The following RALGPS1 variants were observed in gnomAD, a reference collection of about 807,000 sequenced individuals.
The protein encoded by RALGPS1 is Ral GEF with PH domain and SH3 binding motif 1, also known as ras-specific guanine nucleotide-releasing factor RalGPS1.
RALGPS1 carries 19 observed loss-of-function variants against 78.8 expected under a neutral mutation model. That is an observed-to-expected ratio of 0.24 (90% CI 0.17 to 0.35). The LOEUF (loss-of-function observed/expected upper bound fraction) is 0.35. RALGPS1 is among the 10% of genes least tolerant of loss of function. RALGPS1 has a pLI of 1.00. For synonymous variants in RALGPS1, 228 were observed against 256.3 expected (o/e 0.89, Z 1.06); for missense variants, 454 against 688.3 (o/e 0.66, Z 3.81).
intron 1 of RALGPS1, among the ~76,000 whole-genome samples, chr9:126,943,681 T>G (rs2036983901): frequency 6.6e-6 from 1 of 152,160 alleles, no homozygotes; most frequent in Non-Finnish European, 1.5e-5. Flanking sequence ...TCCTGTCACC[T>G]GGGGTGTGCC....
At chr9:127,216,763 G>A (rs537309114) in intron 18 of RALGPS1, 60 of 704,872 alleles carry the variant, frequency 8.5e-5, no homozygotes, top group East Asian at 1.7e-4. Context: ...CAAGGCTGCC[G>A]CCGCCCCAGC....
intron 3 of RALGPS1, among the ~76,000 whole-genome samples, chr9:126,975,338 T>C (rs943028865): frequency 6.6e-6 from 1 of 152,214 alleles, no homozygotes; most frequent in Non-Finnish European, 1.5e-5. Flanking sequence ...GTGTGAAATG[T>C]AAGGTCACTG....
At chr9:127,158,352 G>A (rs1374879974) in intron 8 of RALGPS1, among the ~76,000 whole-genome samples, 2 of 151,986 alleles carry the variant, frequency 1.3e-5, no homozygotes, top group African/African-American at 4.8e-5. Context: ...TATTAGTAAA[G>A]TTTTTTGCCT....
chr9:126,918,382 A>G (rs982196996), intron 1 of RALGPS1, among the ~76,000 whole-genome samples: 4 of 152,174 alleles, frequency 2.6e-5, no homozygotes, highest in South Asian at 4.1e-4. Context: ...TGTTAGCCAG[A>G]TTGGAGTGCA....
intron 8 of RALGPS1, among the ~76,000 whole-genome samples, chr9:127,121,081 G>A (rs1281167): frequency 0.41 from 61,853 of 151,970 alleles, 14,488 homozygotes; most frequent in Non-Finnish European, 0.51. Flanking sequence ...GTAGCCATGG[G>A]CACATTACTT....
At chr9:127,173,478 C>G (rs1314953624) in intron 10 of RALGPS1, among the ~76,000 whole-genome samples, 1 of 152,166 alleles carries the variant, frequency 6.6e-6, no homozygotes, top group Non-Finnish European at 1.5e-5. Context: ...TAAATTATGC[C>G]CCTTCCCTTG....
At chr9:126,953,077 T>C (rs996048244) in intron 1 of RALGPS1, among the ~76,000 whole-genome samples, 1 of 152,206 alleles carries the variant, frequency 6.6e-6, no homozygotes, top group African/African-American at 2.4e-5. Context: ...TGCATTGGAC[T>C]GTCTCATGTT....
chr9:127,202,531 AG>A, intron 14 of RALGPS1, among the ~76,000 whole-genome samples: 1 of 152,208 alleles, frequency 6.6e-6, no homozygotes, highest in Middle Eastern at 3.4e-3. Context: ...CAGAGAGCAA[AG>A]GGGACCCTCT....
At chr9:127,166,011 A>G in intron 8 of RALGPS1, 58 bp from the exon 9 acceptor site, 1 of 1,552,056 alleles carries the variant, frequency 6.4e-7, no homozygotes, top group Non-Finnish European at 8.6e-7. Context: ...ATTTTGTGCT[A>G]TTTTGTTCTG....
intron 1 of RALGPS1, among the ~76,000 whole-genome samples, chr9:126,916,310 G>A (rs1045893882): frequency 1.1e-4 from 16 of 152,184 alleles, no homozygotes; most frequent in African/African-American, 3.9e-4. Context: ...CTCTCTGCGA[G>A]GCCTCTGAGG....
chr9:127,043,302 C>A (rs1207630131), intron 5 of RALGPS1, among the ~76,000 whole-genome samples: 1 of 151,826 alleles, frequency 6.6e-6, no homozygotes, highest in Non-Finnish European at 1.5e-5. Context: ...AATAGACCTA[C>A]ACAAATATGG....
intron 14 of RALGPS1, among the ~76,000 whole-genome samples, chr9:127,208,585 G>GCGAGT (rs1393358690): frequency 6.6e-6 from 1 of 152,128 alleles, no homozygotes; most frequent in Non-Finnish European, 1.5e-5. Flanking sequence ...CGGTGGCAGC[G>GCGAGT]CGAGTGCACT....
chr9:127,207,374 G>C (rs1365685218), intron 14 of RALGPS1, among the ~76,000 whole-genome samples: 1 of 152,120 alleles, frequency 6.6e-6, no homozygotes, highest in Non-Finnish European at 1.5e-5. Flanking sequence ...CTCCACCTAA[G>C]ATCCCTGAGA....
At chr9:127,115,233 A>G (rs962367658) in intron 8 of RALGPS1, among the ~76,000 whole-genome samples, 3 of 152,098 alleles carry the variant, frequency 2.0e-5, no homozygotes, top group African/African-American at 7.2e-5. Flanking sequence ...CTTGTCACCC[A>G]GGCTGGAGTG....
At chr9:127,136,178 G>T (rs2057379555) in intron 8 of RALGPS1, among the ~76,000 whole-genome samples, 2 of 152,176 alleles carry the variant, frequency 1.3e-5, no homozygotes, top group African/African-American at 4.8e-5. Context: ...AAGGCCCAGG[G>T]TTACCCAAGG....
At chr9:126,960,327 G>A (rs372994530) in intron 1 of RALGPS1, among the ~76,000 whole-genome samples, 1 of 150,650 alleles carries the variant, frequency 6.6e-6, no homozygotes, top group Non-Finnish European at 1.5e-5. Flanking sequence ...TCCGCCTCCC[G>A]GGTTCAAGCA....
intron 3 of RALGPS1, among the ~76,000 whole-genome samples, chr9:126,966,764 G>A (rs1037562493): frequency 6.6e-6 from 1 of 151,484 alleles, no homozygotes; most frequent in African/African-American, 2.4e-5. Flanking sequence ...AATATTATTT[G>A]GGCAATTTAA....
At chr9:127,155,261 C>T (rs1047579490) in intron 8 of RALGPS1, among the ~76,000 whole-genome samples, 4 of 152,228 alleles carry the variant, frequency 2.6e-5, no homozygotes, top group African/African-American at 9.6e-5. Flanking sequence ...AGCCCCTGCT[C>T]TATGCTAGGC....
At chr9:127,081,387 C>T (rs1247033694) in intron 8 of RALGPS1, among the ~76,000 whole-genome samples, 2 of 152,196 alleles carry the variant, frequency 1.3e-5, no homozygotes, top group African/African-American at 4.8e-5. Context: ...GTGTTCCTAC[C>T]ACAGGCCTGC....
Sources: gnomAD v4.1 joint callset for allele counts (sites outside exome capture counted in the v4.1 genomes callset) on GRCh38, gnomAD v4.1.1 for gene constraint, MANE v1.5 for transcripts, NCBI Gene and HGNC (gene_info 2026-07-23, HGNC 2026-07-21) for gene names.